ANGPT1: variants seen among roughly 807,000 people sequenced by gnomAD.
ANGPT1 encodes angiopoietin 1.
Under a neutral mutation model 62.2 loss-of-function variants are expected in ANGPT1, and 17 were observed. The ratio of observed to expected loss-of-function variants is 0.27; its 90% confidence interval spans 0.19 to 0.41. The LOEUF (loss-of-function observed/expected upper bound fraction) is 0.41. ANGPT1 is among the 10% of genes least tolerant of loss of function. ANGPT1 has a pLI of 1.00. For missense variants in ANGPT1, 478 were observed against 594.9 expected (o/e 0.80, Z 2.04); for synonymous variants, 199 against 198.9 (o/e 1.00, Z 0.00).
intron 1 of ANGPT1, among the ~76,000 whole-genome samples, chr8:107,439,737 G>T (rs945891480): frequency 6.6e-6 from 1 of 152,136 alleles, no homozygotes; most frequent in Admixed American, 6.5e-5. Context: ...CTGCTCAAAA[G>T]GATTTGAATA....
chr8:107,414,036 C>T (rs1377547497), intron 1 of ANGPT1, among the ~76,000 whole-genome samples: 2 of 152,082 alleles, frequency 1.3e-5, no homozygotes, highest in South Asian at 4.2e-4. Context: ...ATTGCAGTAC[C>T]TGAAAATCTT....
intron 1 of ANGPT1, among the ~76,000 whole-genome samples, chr8:107,369,483 C>CT (rs758935774): frequency 2.6e-5 from 4 of 152,156 alleles, no homozygotes; most frequent in Non-Finnish European, 4.4e-5. Context: ...CCTTCAAGAA[C>CT]TTTTCTTTTG....
At chr8:107,288,352 GCTAT>G (rs1472909637) in intron 6 of ANGPT1, among the ~76,000 whole-genome samples, 4 of 152,082 alleles carry the variant, frequency 2.6e-5, no homozygotes, top group Admixed American at 6.6e-5. Context: ...CTCCCTTAGT[GCTAT>G]CTCTTTCAAG....
chr8:107,457,114 G>T (rs1811939683), intron 1 of ANGPT1, among the ~76,000 whole-genome samples: 1 of 151,840 alleles, frequency 6.6e-6, no homozygotes, highest in Admixed American at 6.6e-5. Context: ...CTAGTATGAA[G>T]AATAAAAATT....
At chr8:107,302,335 T>C (rs917305849) in intron 5 of ANGPT1, among the ~76,000 whole-genome samples, 2 of 151,836 alleles carry the variant, frequency 1.3e-5, no homozygotes, top group Non-Finnish European at 2.9e-5. Context: ...TGCGGTCCTC[T>C]TGGGACCCTG....
At position 107,321,890 on chromosome 8, in the gene ANGPT1, T is replaced by G; in HGVS notation, c.808+6A>C. On this transcript the variant is annotated splice_donor_region_variant and intron_variant, in intron 4 of 8. Coordinates refer to ENST00000517746, the MANE Select transcript of ANGPT1 (RefSeq NM_001146.5). ...AACAATACCAAAGTGAGGAAGACAT[T>G]CTTACCACCTTCTTTAGTGCAAAGA... 6.2e-7 allele frequency: 1 copy of G among 1,612,158 alleles called. No homozygotes were observed. Among genetic ancestry groups the G allele is most frequent in the Non-Finnish European group, 8.5e-7 (1 of 1,178,500 alleles).
chr8:107,470,242 A>C (rs1812317335), intron 1 of ANGPT1, among the ~76,000 whole-genome samples: 1 of 152,082 alleles, frequency 6.6e-6, no homozygotes, highest in East Asian at 1.9e-4. Context: ...AAGGAAATTA[A>C]TATGTTTTTG....
At chr8:107,271,717 A>G (rs10505101) in intron 7 of ANGPT1, among the ~76,000 whole-genome samples, 42,934 of 151,752 alleles carry the variant, frequency 0.28, 6,777 homozygotes, top group African/African-American at 0.41. Flanking sequence ...TGTAGTTAAG[A>G]TCTATGTTAA....
chr8:107,291,613 A>G (rs948239570), intron 6 of ANGPT1, among the ~76,000 whole-genome samples: 1 of 151,876 alleles, frequency 6.6e-6, no homozygotes, highest in Admixed American at 6.6e-5. Flanking sequence ...GGGTTTCACC[A>G]TATTGGCCAA....
chr8:107,278,229 C>A (rs532617019), intron 7 of ANGPT1, among the ~76,000 whole-genome samples: 8 of 151,902 alleles, frequency 5.3e-5, no homozygotes, highest in Non-Finnish European at 8.8e-5. Context: ...GTGTGCAACA[C>A]CACGCCAAGT....
intron 1 of ANGPT1, among the ~76,000 whole-genome samples, chr8:107,360,078 C>T (rs1237344702): frequency 6.6e-6 from 1 of 152,120 alleles, no homozygotes; most frequent in African/African-American, 2.4e-5. Context: ...TTTTCCTCGT[C>T]TAGTCTTACT....
intron 1 of ANGPT1, among the ~76,000 whole-genome samples, chr8:107,362,136 AT>A (rs753298668): frequency 2.6e-5 from 4 of 152,226 alleles, no homozygotes; most frequent in Non-Finnish European, 2.9e-5. Flanking sequence ...ACATTTTCAC[AT>A]ACTTTCTTAT....
chr8:107,476,626 GA>G (rs1407375241), intron 1 of ANGPT1, among the ~76,000 whole-genome samples: 1 of 151,878 alleles, frequency 6.6e-6, no homozygotes, highest in African/African-American at 2.4e-5. Flanking sequence ...AGCACCTTAG[GA>G]TCGTCGTTTC....
At chr8:107,359,274 A>G (rs1563585442) in intron 1 of ANGPT1, among the ~76,000 whole-genome samples, 1 of 152,170 alleles carries the variant, frequency 6.6e-6, no homozygotes, top group Non-Finnish European at 1.5e-5. Context: ...AGACACAAGA[A>G]GGAACAAATT....
At chr8:107,277,203 A>G (rs558612695) in intron 7 of ANGPT1, among the ~76,000 whole-genome samples, 1 of 152,276 alleles carries the variant, frequency 6.6e-6, no homozygotes, top group African/African-American at 2.4e-5. Context: ...TTACTAATTA[A>G]GTTAATAGCA....
rs76514844 is a variant in ANGPT1, at chr8:107,250,280, G to T, written c.*1575C>A. On this transcript the variant is annotated 3_prime_UTR_variant, in exon 9 of 9. Coordinates refer to ENST00000517746, the MANE Select transcript of ANGPT1 (RefSeq NM_001146.5). Reference sequence around the variant, plus strand: ...TCATAACCTTGGACACTTACAGGCAGAGAAGACTTCTTGATAAAATAATGC... The same window carrying T: ...TCATAACCTTGGACACTTACAGGCATAGAAGACTTCTTGATAAAATAATGC... 1 of 152,090 alleles carries T rather than the reference G, an allele frequency of 6.6e-6. No individual in the cohort carries two copies. The highest frequency in any genetic ancestry group is 1.5e-5 in the Non-Finnish European group (1 of 67,996). The allele number at this position is 152,090 out of a possible 1,614,324, so 9.4% of individuals were successfully genotyped here. A position where few individuals can be genotyped will look rare whatever the true frequency, so the allele number is the denominator to read the frequency against.
At chr8:107,260,925 T>C (rs890878397) in intron 8 of ANGPT1, among the ~76,000 whole-genome samples, 2 of 152,212 alleles carry the variant, frequency 1.3e-5, no homozygotes, top group African/African-American at 4.8e-5. Context: ...AGTGAAGTTT[T>C]CTCATTGAAA....
intron 1 of ANGPT1, among the ~76,000 whole-genome samples, chr8:107,354,817 G>A (rs1196006917): frequency 1.3e-5 from 2 of 151,894 alleles, no homozygotes; most frequent in East Asian, 3.9e-4. Context: ...CACAGTGAAC[G>A]GCACCATTAC....
intron 1 of ANGPT1, among the ~76,000 whole-genome samples, chr8:107,441,120 A>T (rs1811463785): frequency 6.6e-6 from 1 of 152,206 alleles, no homozygotes; most frequent in Non-Finnish European, 1.5e-5. Context: ...TTAAGCTATG[A>T]GTTTTGGCTT....
Sources: allele counts gnomAD v4.1 joint callset (sites outside exome capture counted in the v4.1 genomes callset), GRCh38; gene constraint gnomAD v4.1.1; transcripts MANE v1.5; gene names NCBI Gene and HGNC (gene_info 2026-07-23, HGNC 2026-07-21).